The following EFNA5 variants were observed in gnomAD, a reference collection of about 807,000 sequenced individuals.
EFNA5 encodes ephrin-A5.
Under a neutral mutation model 22.9 loss-of-function variants are expected in EFNA5, and 5 were observed. The ratio of observed to expected loss-of-function variants is 0.22; its 90% CI spans 0.11 to 0.46. EFNA5 has a LOEUF of 0.46. Ranked by LOEUF, EFNA5 falls within the 20% of genes least tolerant of loss-of-function variation. The probability of loss-of-function intolerance (pLI) is 0.99; values close to 1 mark genes in which losing one functional copy is unlikely to be tolerated. For missense variants in EFNA5, 237 were observed against 293.3 expected, an observed-to-expected ratio of 0.81 and a Z score of 1.40; for synonymous variants, 113 against 112.2, an observed-to-expected ratio of 1.01 and a Z score of -0.04.
chr5:107,619,563 C>G (rs774857488), intron 1 of EFNA5, among the ~76,000 whole-genome samples: 2 of 150,986 alleles, frequency 1.3e-5, no homozygotes, highest in Non-Finnish European at 3.0e-5. Flanking sequence ...CCTGAGTTCA[C>G]GCGATTCTCC....
At chr5:107,454,275 G>A (rs78863220) in intron 1 of EFNA5, among the ~76,000 whole-genome samples, 3,810 of 152,022 alleles carry the variant, frequency 0.025, 142 homozygotes, top group African/African-American at 0.085. Flanking sequence ...ACAAGACATC[G>A]TTTTAAGATA....
intron 1 of EFNA5, among the ~76,000 whole-genome samples, chr5:107,470,975 T>C (rs1199787904): frequency 2.0e-5 from 3 of 152,208 alleles, no homozygotes; most frequent in Non-Finnish European, 4.4e-5. Context: ...TTTCTTGATA[T>C]CCTTCTCAGA....
chr5:107,561,598 G>A (rs1748546027), intron 1 of EFNA5, among the ~76,000 whole-genome samples: 2 of 152,050 alleles, frequency 1.3e-5, no homozygotes, highest in African/African-American at 4.8e-5. Context: ...TCGAACTCCT[G>A]ACCTCGTGAC....
At chr5:107,667,123 T>G (rs1751093337) in intron 1 of EFNA5, among the ~76,000 whole-genome samples, 1 of 152,112 alleles carries the variant, frequency 6.6e-6, no homozygotes, top group Non-Finnish European at 1.5e-5. Flanking sequence ...TAGGTAAAAC[T>G]TATACAAGTT....
chr5:107,402,898 A>G (rs1454314227), intron 2 of EFNA5, among the ~76,000 whole-genome samples: 1 of 152,240 alleles, frequency 6.6e-6, no homozygotes, highest in Non-Finnish European at 1.5e-5. Context: ...GAAGCAGATC[A>G]TGAAGCAAAT....
At chr5:107,523,542 T>C (rs1747637760) in intron 1 of EFNA5, among the ~76,000 whole-genome samples, 1 of 152,190 alleles carries the variant, frequency 6.6e-6, no homozygotes, top group African/African-American at 2.4e-5. Context: ...CCTTTCGGCC[T>C]GCTAAGAAGG....
intron 1 of EFNA5, among the ~76,000 whole-genome samples, chr5:107,443,844 T>C (rs1017049208): frequency 6.6e-6 from 1 of 152,170 alleles, no homozygotes; most frequent in Non-Finnish European, 1.5e-5. Flanking sequence ...AACCTGCACG[T>C]TCAGCACATG....
At chr5:107,623,563 A>G (rs1750082898) in intron 1 of EFNA5, among the ~76,000 whole-genome samples, 1 of 152,212 alleles carries the variant, frequency 6.6e-6, no homozygotes, top group Non-Finnish European at 1.5e-5. Context: ...TCATTAAGTG[A>G]CATTAAACAT....
intron 1 of EFNA5, among the ~76,000 whole-genome samples, chr5:107,498,955 A>AGTATGTATGTATGTAG: frequency 6.7e-6 from 1 of 148,576 alleles, no homozygotes; most frequent in East Asian, 2.0e-4. Context: ...TATGTATATA[A>AGTATGTATGTATGTAG]GTATGTATGT....
chr5:107,464,827 G>A (rs1255697591), intron 1 of EFNA5, among the ~76,000 whole-genome samples: 3 of 152,120 alleles, frequency 2.0e-5, no homozygotes. Context: ...AAAGAGGAGA[G>A]GGGAAAATAA....
chr5:107,438,907 T>C (rs932757589), intron 1 of EFNA5, among the ~76,000 whole-genome samples: 1 of 152,210 alleles, frequency 6.6e-6, no homozygotes, highest in African/African-American at 2.4e-5. Flanking sequence ...CCTGCAACCA[T>C]CATCAGAATG....
intron 1 of EFNA5, among the ~76,000 whole-genome samples, chr5:107,616,062 A>G (rs1011464847): frequency 1.3e-5 from 2 of 152,214 alleles, no homozygotes; most frequent in Admixed American, 1.3e-4. Context: ...TTTGGATTTA[A>G]TAAGTATTAT....
intron 2 of EFNA5, among the ~76,000 whole-genome samples, chr5:107,425,966 A>G (rs1200652348): frequency 1.3e-5 from 2 of 152,138 alleles, no homozygotes; most frequent in African/African-American, 4.8e-5. Context: ...TTGGATCTCT[A>G]CCCACTGTGT....
At chr5:107,659,490 GT>G (rs1273832888) in intron 1 of EFNA5, among the ~76,000 whole-genome samples, 2 of 139,074 alleles carry the variant, frequency 1.4e-5, no homozygotes, top group East Asian at 4.1e-4. Flanking sequence ...AGTTTTTTGG[GT>G]TTTCCTTTTT....
At chr5:107,538,286 T>C (rs543308924) in intron 1 of EFNA5, among the ~76,000 whole-genome samples, 2 of 152,352 alleles carry the variant, frequency 1.3e-5, no homozygotes, top group Admixed American at 1.3e-4. Flanking sequence ...ATTCATTTTC[T>C]TATAGGAAAA....
chr5:107,587,375 G>A (rs994115540), intron 1 of EFNA5, among the ~76,000 whole-genome samples: 6 of 152,110 alleles, frequency 3.9e-5, no homozygotes, highest in Admixed American at 3.9e-4. Flanking sequence ...GGGAAAAAAA[G>A]GAGAGGAAAA....
chr5:107,641,678 C>T (rs1750515236), intron 1 of EFNA5, among the ~76,000 whole-genome samples: 1 of 151,932 alleles, frequency 6.6e-6, no homozygotes, highest in Non-Finnish European at 1.5e-5. Flanking sequence ...TTTTTATGAC[C>T]TAATGATGCA....
intron 4 of EFNA5, among the ~76,000 whole-genome samples, chr5:107,382,498 G>A (rs1254903506): frequency 6.6e-6 from 1 of 152,040 alleles, no homozygotes; most frequent in African/African-American, 2.4e-5. Flanking sequence ...TCAACCTCCC[G>A]AGTAGCTGGG....
chr5:107,505,745 T>C lies in EFNA5; in HGVS notation c.126-78236A>G, dbSNP rs1747238923. ...CTGTGAGAATCAGTAGTAAGAGATA[T>C]AATTAACATTTGTTAAGTACTTGCT... On this transcript the variant is annotated intron_variant, in intron 1 of 4. Coordinates refer to ENST00000333274, the MANE Select transcript of EFNA5 (RefSeq NM_001962.3). Among the ~76,000 whole-genome samples, 3 of 152,340 alleles carry C rather than the reference T, an allele frequency of 2.0e-5. No individual in the cohort carries two copies. The South Asian group carries it at 6.2e-4, about 32-fold the overall frequency.
Sources: allele counts gnomAD v4.1 joint callset (sites outside exome capture counted in the v4.1 genomes callset), GRCh38; gene constraint gnomAD v4.1.1; transcripts MANE v1.5; gene names NCBI Gene and HGNC (gene_info 2026-07-23, HGNC 2026-07-21).